Variants in ACOXL observed in about 807,000 individuals in gnomAD.
ACOXL encodes acyl-CoA oxidase like.
A neutral mutation model predicts 71.9 loss-of-function variants in ACOXL; 70 were observed. That is an observed-to-expected ratio of 0.97 (90% CI 0.80 to 1.19). ACOXL has a LOEUF of 1.19. Among genes scored for constraint, ACOXL ranks in the 50% most tolerant of loss-of-function variants. ACOXL has a pLI of 0.00. For synonymous variants in ACOXL, 253 were observed against 281.6 expected, an observed-to-expected ratio of 0.90 and a Z score of 1.02; for missense variants, 703 against 736.3, an observed-to-expected ratio of 0.95 and a Z score of 0.52.
chr2:111,112,772 C>T (rs1347963258), intron 17 of ACOXL, among the ~76,000 whole-genome samples: 1 of 152,168 alleles, frequency 6.6e-6, no homozygotes, highest in African/African-American at 2.4e-5. Flanking sequence ...CAGGGAGGGG[C>T]CTGTTGACCA....
At chr2:110,968,778 C>CAAAAAAAAAAAAAAAA (rs35801632) in intron 12 of ACOXL, 2 of 204,084 alleles carry the variant, frequency 9.8e-6, no homozygotes, top group African/African-American at 2.9e-5. Flanking sequence ...TTATGGACAG[C>CAAAAAAAAAAAAAAAA]AAAAAAAAAA....
chr2:110,932,150 A>G (rs1210768568), intron 11 of ACOXL, among the ~76,000 whole-genome samples: 1 of 152,246 alleles, frequency 6.6e-6, no homozygotes. Context: ...TCAAAACAGC[A>G]TGCTGATTGA....
chr2:111,003,350 C>T (rs1266617169), intron 14 of ACOXL, among the ~76,000 whole-genome samples: 2 of 151,678 alleles, frequency 1.3e-5, no homozygotes, highest in African/African-American at 4.8e-5. Flanking sequence ...GAATTGGAAA[C>T]CAGCCTGGCC....
chr2:111,086,022 C>A (rs1234322037), intron 16 of ACOXL, among the ~76,000 whole-genome samples: 1 of 152,062 alleles, frequency 6.6e-6, no homozygotes, highest in African/African-American at 2.4e-5. Flanking sequence ...TAGGAAGAAA[C>A]TGAATCTGTT....
intron 10 of ACOXL, among the ~76,000 whole-genome samples, chr2:110,907,426 A>G (rs1421225177): frequency 1.3e-5 from 2 of 152,106 alleles, no homozygotes; most frequent in South Asian, 2.1e-4. Flanking sequence ...TGACACCACT[A>G]CTGGCTTTGG....
At chr2:111,092,260 C>T (rs893728923) in intron 16 of ACOXL, among the ~76,000 whole-genome samples, 3 of 152,050 alleles carry the variant, frequency 2.0e-5, no homozygotes, top group African/African-American at 7.3e-5. Flanking sequence ...TCGAGAGTTA[C>T]GTGAATAAAC....
chr2:110,896,362 A>G (rs1256515240), intron 10 of ACOXL, among the ~76,000 whole-genome samples: 2 of 152,200 alleles, frequency 1.3e-5, no homozygotes, highest in Admixed American at 1.3e-4. Context: ...AAAAAGTCGG[A>G]CTTAAGCCCT....
At chr2:110,902,262 GA>G (rs1325904614) in intron 10 of ACOXL, among the ~76,000 whole-genome samples, 1 of 152,128 alleles carries the variant, frequency 6.6e-6, no homozygotes, top group Non-Finnish European at 1.5e-5. Context: ...TTGAAGCCAG[GA>G]GTTTGAGACC....
intron 1 of ACOXL, among the ~76,000 whole-genome samples, chr2:110,742,573 G>A (rs530117250): frequency 1.3e-5 from 2 of 152,300 alleles, no homozygotes; most frequent in East Asian, 3.9e-4. Flanking sequence ...ACACTTGTCT[G>A]AGTGCTGCAA....
intron 10 of ACOXL, among the ~76,000 whole-genome samples, chr2:110,890,945 T>G (rs545600269): frequency 2.6e-5 from 4 of 152,284 alleles, no homozygotes; most frequent in Non-Finnish European, 4.4e-5. Flanking sequence ...TATTTAGACC[T>G]TCTTTAATTT....
At chr2:110,872,884 A>G (rs764018434) in intron 10 of ACOXL, among the ~76,000 whole-genome samples, 1 of 152,214 alleles carries the variant, frequency 6.6e-6, no homozygotes, top group Admixed American at 6.5e-5. Context: ...GCTTGACTCC[A>G]GTGAAATGTC....
intron 11 of ACOXL, among the ~76,000 whole-genome samples, chr2:110,923,319 C>T (rs2060147445): frequency 6.6e-6 from 1 of 151,502 alleles, no homozygotes; most frequent in African/African-American, 2.4e-5. Flanking sequence ...TTTTCTTTTT[C>T]TTTTTTTTTC....
chr2:111,000,579 T>C (rs991290330), intron 14 of ACOXL, among the ~76,000 whole-genome samples: 2 of 152,186 alleles, frequency 1.3e-5, no homozygotes, highest in African/African-American at 4.8e-5. Flanking sequence ...TCTGAAATCA[T>C]GGTGGCAGCA....
chr2:111,027,610 G>A lies in ACOXL; in HGVS notation c.1282-4017G>A, dbSNP rs570361796. ...GCTGGGATTACAGGCGTGAGCCACC[G>A]CACTTGGCCCCTTGTTTTTTTTATT... is the stretch of plus-strand genomic sequence containing the variant. On this transcript the variant is annotated intron_variant, in intron 14 of 17. Transcript: ENST00000439055. Among the ~76,000 whole-genome samples the A allele has an allele frequency of 1.1e-4, 16 of 152,184 alleles. 1 individual carries two copies. Among genetic ancestry groups the A allele is most frequent in the South Asian group, 4.1e-4 (2 of 4,820 alleles).
At chr2:110,942,024 A>G (rs1315029723) in intron 12 of ACOXL, among the ~76,000 whole-genome samples, 1 of 152,204 alleles carries the variant, frequency 6.6e-6, no homozygotes, top group Non-Finnish European at 1.5e-5. Context: ...ATGCATGACA[A>G]TAGCATAAAG....
At chr2:111,014,437 A>G (rs1197902360) in intron 14 of ACOXL, among the ~76,000 whole-genome samples, 1 of 152,236 alleles carries the variant, frequency 6.6e-6, no homozygotes, top group Non-Finnish European at 1.5e-5. Flanking sequence ...CAATATCTGT[A>G]CACTAAAGAC....
At chr2:111,049,157 C>A in intron 15 of ACOXL, 61 bp from the exon 16 acceptor site, 1 of 1,316,522 alleles carries the variant, frequency 7.6e-7, no homozygotes, top group Non-Finnish European at 1.1e-6. Context: ...TCCTCCTTCA[C>A]ATCAGAAGGG....
At chr2:110,777,713 C>T (rs1019133917) in intron 2 of ACOXL, among the ~76,000 whole-genome samples, 5 of 152,184 alleles carry the variant, frequency 3.3e-5, no homozygotes, top group East Asian at 1.9e-4. Context: ...GGGCCATCAG[C>T]GCGGGCAGCC....
At chr2:110,850,577 T>G (rs1312872845) in intron 10 of ACOXL, among the ~76,000 whole-genome samples, 1 of 152,182 alleles carries the variant, frequency 6.6e-6, no homozygotes, top group Non-Finnish European at 1.5e-5. Context: ...TACATATATG[T>G]TAGGATGGCT....
Sources: allele counts gnomAD v4.1 joint callset (sites outside exome capture counted in the v4.1 genomes callset), GRCh38; gene constraint gnomAD v4.1.1; transcripts MANE v1.5; gene names NCBI Gene and HGNC (gene_info 2026-07-23, HGNC 2026-07-21).